The following DNAH12 variants were observed in gnomAD, a reference collection of about 807,000 sequenced individuals.
DNAH12 encodes axonemal beta dynein heavy chain 12.
A neutral mutation model predicts 371.5 loss-of-function variants in DNAH12; 285 were observed. The observed-to-expected ratio is 0.77, with a 90% confidence interval of 0.70 to 0.85. DNAH12 has a LOEUF of 0.85. DNAH12 is among the 40% of genes least tolerant of loss of function. DNAH12 has a pLI of 0.00. For synonymous variants in DNAH12, 1,200 were observed against 1,213.0 expected (o/e 0.99, Z 0.22); for missense variants, 3,611 against 3,689.4 (o/e 0.98, Z 0.55).
Position 57,334,697 on chromosome 3 carries a change from TTTAA to T in DNAH12, c.9833+81_9833+84del, listed in dbSNP as rs1393872299. ...ACAAGGAGTAGAAACCAGACAGCTA[TTTAA>T]AACCATTTAAAAATCACTAAATTGA... On this transcript the variant is annotated intron_variant, in intron 61 of 73. Transcript: ENST00000495027. 1,011 of 1,504,752 alleles carry T rather than the reference TTTAA, an allele frequency of 6.7e-4. 7 individuals are homozygous for T. In the African/African-American group the frequency reaches 0.012, roughly 19 times the overall value. 93.2% of individuals were successfully genotyped at this position (1,504,752 alleles called of 1,614,324 possible). A position where few individuals can be genotyped will look rare whatever the true frequency, so the allele number is the denominator to read the frequency against.
At chr3:57,308,485 A>G (rs1238488094) in intron 69 of DNAH12, among the ~76,000 whole-genome samples, 2 of 152,196 alleles carry the variant, frequency 1.3e-5, no homozygotes, top group Non-Finnish European at 2.9e-5. Context: ...AAGCTCCTGT[A>G]TAGACACTCC....
chr3:57,519,105 A>C (rs2068311551), intron 4 of DNAH12, among the ~76,000 whole-genome samples: 1 of 152,246 alleles, frequency 6.6e-6, no homozygotes, highest in South Asian at 2.1e-4. Flanking sequence ...ATAGGTATGT[A>C]GTGAAAACGA....
intron 45 of DNAH12, 139 bp downstream of exon 45, chr3:57,391,733 T>A (rs2063627424): frequency 6.6e-6 from 1 of 152,230 alleles, no homozygotes; most frequent in Admixed American, 6.5e-5. Flanking sequence ...CAGTCTCTGG[T>A]GCTGAACATT....
In DNAH12 at chr3:57,394,324, T is replaced by A. The variant is rs961134830; in HGVS notation, c.6957A>T (p.Leu2319Phe). The change falls in exon 44 of 74, where the codon TTA becomes TTT. Residue 2319 changes from leucine to phenylalanine, a missense_variant. Physicochemically the swap from Leu to Phe is conservative, Grantham distance 22 (BLOSUM62 0). Transcript: ENST00000495027. ...NEWREDMKGL[L>F]RNVGMKGQKT... ...TCTGGCCCTTCATGCCCACATTCCT[T>A]AACAGACCCTTAAAATAAAAATGGA... 1 of 152,194 alleles carries A rather than the reference T, an allele frequency of 6.6e-6. No individual in the cohort carries two copies. The highest frequency in any genetic ancestry group is 1.5e-5 in the Non-Finnish European group (1 of 68,046). 9.4% of individuals were successfully genotyped at this position (152,194 alleles called of 1,614,324 possible).
rs142918448 is a variant in DNAH12, at chr3:57,476,207, T to C, written c.1651-3536A>G. ...GACCAAAATCAGAAGAAATTAACTA[T>C]ATTGATTAGAAATGCAAGTTTAAGT... On this transcript the variant is annotated intron_variant, in intron 13 of 73. Transcript: ENST00000495027. Among the ~76,000 whole-genome samples, 25 of 152,186 alleles carry C rather than the reference T, an allele frequency of 1.6e-4. No individual in the cohort carries two copies. In the South Asian group the frequency reaches 1.9e-3, roughly 11 times the overall value.
Position 57,293,748 on chromosome 3 carries a change from TA to T in DNAH12, c.*32del, listed in dbSNP as rs2061169457. ...TAAGTAGGACAGGTTTTTTTTTTTT[TA>T]AACTTTTGGATGTTTTATAAATTTG... On this transcript the variant is annotated 3_prime_UTR_variant, in exon 74 of 74. Transcript: ENST00000495027. 2.6e-6 allele frequency: 4 copies of T among 1,513,254 alleles called. No individual in the cohort carries two copies. The highest frequency in any genetic ancestry group is 1.4e-5 in the African/African-American group (1 of 69,726). The allele number at this position is 1,513,254 out of a possible 1,614,324, so 93.7% of individuals were successfully genotyped here. A position where few individuals can be genotyped will look rare whatever the true frequency, so the allele number is the denominator to read the frequency against.
chr3:57,494,523 C>G (rs1264800715), intron 11 of DNAH12, among the ~76,000 whole-genome samples: 2 of 151,900 alleles, frequency 1.3e-5, no homozygotes, highest in African/African-American at 4.8e-5. Flanking sequence ...GATCATACCA[C>G]TGTACTTTAG....
At chr3:57,385,809 G>A (rs1039678587) in intron 47 of DNAH12, among the ~76,000 whole-genome samples, 90 of 152,272 alleles carry the variant, frequency 5.9e-4, no homozygotes, top group Non-Finnish European at 7.1e-4. Flanking sequence ...TTGAACCCGG[G>A]AGGTGGAGCT....
At chr3:57,307,451 C>T (rs756309032) in intron 69 of DNAH12, among the ~76,000 whole-genome samples, 2 of 152,172 alleles carry the variant, frequency 1.3e-5, no homozygotes, top group African/African-American at 2.4e-5. Flanking sequence ...ACAAGAACTG[C>T]GACTGCGCCC....
At chr3:57,419,579 C>G in intron 36 of DNAH12, 61 bp from the exon 37 acceptor site, 4 of 1,227,848 alleles carry the variant, frequency 3.3e-6, no homozygotes, top group Non-Finnish European at 4.3e-6. Context: ...CTGAAAGGCT[C>G]TTTTCAACAT....
In DNAH12 at chr3:57,436,543, G is replaced by A. The variant is rs545237282; in HGVS notation, c.4655+408C>T. 3.9e-5 allele frequency among the ~76,000 whole-genome samples: 6 copies of A among 152,318 alleles called. No individual in the cohort carries two copies. The South Asian group carries it at 1.2e-3, about 32-fold the overall frequency. The stretch of plus-strand genomic sequence containing the variant: ...TTGTGCACTGGGTTTGTGGAGAAAA[G>A]ATAACTTGTCTTTCTAGGTTGTAGG... On this transcript the variant is annotated intron_variant, in intron 30 of 73. Coordinates refer to ENST00000495027, the MANE Select transcript of DNAH12 (RefSeq NM_001366028.2).
At chr3:57,355,550 C>T (rs1349016659) in intron 59 of DNAH12, among the ~76,000 whole-genome samples, 2 of 150,980 alleles carry the variant, frequency 1.3e-5, no homozygotes, top group African/African-American at 4.9e-5. Context: ...GGGTATATAC[C>T]CAGGAATGGA....
intron 13 of DNAH12, among the ~76,000 whole-genome samples, chr3:57,476,532 C>A (rs2066531427): frequency 6.6e-6 from 1 of 151,820 alleles, no homozygotes; most frequent in Admixed American, 6.6e-5. Flanking sequence ...CCACTGCACT[C>A]CAGCCTGGGT....
upstream of DNAH12, among the ~76,000 whole-genome samples, chr3:57,549,297 C>T (rs185507367): frequency 3.3e-5 from 5 of 152,216 alleles, no homozygotes; most frequent in East Asian, 9.7e-4. Context: ...AGGCAAATCA[C>T]TTGAGGTCAG....
intron 7 of DNAH12, 104 bp downstream of exon 7, chr3:57,508,278 G>A: frequency 6.1e-5 from 66 of 1,085,450 alleles, no homozygotes; most frequent in South Asian, 4.6e-4. Flanking sequence ...CTAAAATCTA[G>A]AGAAAAGTGT....
At chr3:57,490,725 T>C (rs762212359) in intron 11 of DNAH12, among the ~76,000 whole-genome samples, 23 of 152,032 alleles carry the variant, frequency 1.5e-4, no homozygotes, top group Non-Finnish European at 2.4e-4. Flanking sequence ...TTTTTCAGTG[T>C]TCAAGGGGGA....
intron 58 of DNAH12, among the ~76,000 whole-genome samples, chr3:57,362,732 A>G (rs1405452229): frequency 2.0e-5 from 3 of 151,902 alleles, no homozygotes; most frequent in Non-Finnish European, 4.4e-5. Context: ...TTTTTCTTGT[A>G]AATTTGTTTA....
At chr3:57,321,309 G>A (rs1523109) in intron 65 of DNAH12, among the ~76,000 whole-genome samples, 48,928 of 151,944 alleles carry the variant, frequency 0.32, 8,733 homozygotes, top group African/African-American at 0.46. Flanking sequence ...CACAGAAAGT[G>A]TCATTAAGCA....
At chr3:57,543,362 G>A (rs1023226975) in intron 1 of DNAH12, among the ~76,000 whole-genome samples, 1 of 110,540 alleles carries the variant, frequency 9.0e-6, no homozygotes, top group African/African-American at 3.7e-5. Flanking sequence ...TTGCTCTGTC[G>A]CCCAGGCTGG....
Sources: allele counts gnomAD v4.1 joint callset (sites outside exome capture counted in the v4.1 genomes callset), GRCh38; gene constraint gnomAD v4.1.1; transcripts MANE v1.5; gene names NCBI Gene and HGNC (gene_info 2026-07-23, HGNC 2026-07-21).